Variants in PALLD observed in about 807,000 individuals in gnomAD.
PALLD encodes palladin, cytoskeletal associated protein.
In PALLD, 61 loss-of-function variants were observed where a neutral mutation model predicts 123.5. That is an observed-to-expected ratio of 0.49 (90% CI 0.40 to 0.61). The LOEUF is 0.61. PALLD is among the 20% of genes least tolerant of loss of function. The pLI is 0.00. For missense variants in PALLD, 1,273 were observed against 1,377.0 expected (o/e 0.92, Z 1.20); for synonymous variants, 465 against 496.4 (o/e 0.94, Z 0.84).
At chr4:168,660,222 G>A (rs1046289541) in intron 2 of PALLD, among the ~76,000 whole-genome samples, 1 of 152,098 alleles carries the variant, frequency 6.6e-6, no homozygotes, top group Non-Finnish European at 1.5e-5. Flanking sequence ...CCCAAGAATG[G>A]AAGTGACTGG....
intron 2 of PALLD, among the ~76,000 whole-genome samples, chr4:168,578,794 T>C (rs956188834): frequency 3.3e-5 from 5 of 151,662 alleles, no homozygotes; most frequent in Admixed American, 3.3e-4. Flanking sequence ...AATGGATAGA[T>C]AGATAGTCCC....
At chr4:168,728,238 T>A (rs1470822462) in intron 10 of PALLD, among the ~76,000 whole-genome samples, 2 of 152,254 alleles carry the variant, frequency 1.3e-5, no homozygotes, top group Non-Finnish European at 2.9e-5. Context: ...TCTAATTCTG[T>A]GAAGAATGAC....
At chr4:168,543,580 ATGAAAATGAGCTAAATGTT>A (rs1765856320) in intron 2 of PALLD, among the ~76,000 whole-genome samples, 2 of 152,150 alleles carry the variant, frequency 1.3e-5, no homozygotes, top group South Asian at 4.1e-4. Context: ...AATGAAGTAA[ATGAAAATGAGCTAAATGTT>A]TGAAAATGAG....
chr4:168,811,770 T>TCACACACACACA (rs1402735922), intron 10 of PALLD, among the ~76,000 whole-genome samples: 1 of 101,838 alleles, frequency 9.8e-6, no homozygotes, highest in African/African-American at 3.3e-5. Context: ...TCTCTCTCTC[T>TCACACACACACA]CTCTCTCACA....
chr4:168,659,221 G>T (rs1020891646), intron 2 of PALLD, among the ~76,000 whole-genome samples: 1 of 152,224 alleles, frequency 6.6e-6, no homozygotes, highest in Non-Finnish European at 1.5e-5. Context: ...CGTTTTGGTG[G>T]TTCTCCAGTT....
At chr4:168,815,188 G>A (rs1381873275) in intron 10 of PALLD, among the ~76,000 whole-genome samples, 1 of 152,166 alleles carries the variant, frequency 6.6e-6, no homozygotes, top group Non-Finnish European at 1.5e-5. Flanking sequence ...ATTTCTCATG[G>A]ACATATGCTT....
intron 10 of PALLD, among the ~76,000 whole-genome samples, chr4:168,848,478 T>C (rs1560788892): frequency 6.6e-6 from 1 of 151,202 alleles, no homozygotes; most frequent in Non-Finnish European, 1.5e-5. Context: ...TGTTCTGTGT[T>C]TTTTCTCCTA....
chr4:168,871,455 C>T (rs1751056883), intron 10 of PALLD, among the ~76,000 whole-genome samples: 1 of 151,374 alleles, frequency 6.6e-6, no homozygotes. Context: ...AATGAGATCA[C>T]TGATTTTGCT....
chr4:168,786,357 A>G (rs1293612805), intron 10 of PALLD, among the ~76,000 whole-genome samples: 1 of 152,176 alleles, frequency 6.6e-6, no homozygotes, highest in Non-Finnish European at 1.5e-5. Flanking sequence ...CTATTTTCAT[A>G]GAAGTATACT....
intron 6 of PALLD, chr4:168,686,697 T>C (rs1348531770): frequency 2.6e-5 from 4 of 152,300 alleles, no homozygotes; most frequent in African/African-American, 9.6e-5. Context: ...TTAGTATATA[T>C]GAGCTGCCAA....
intron 2 of PALLD, among the ~76,000 whole-genome samples, chr4:168,557,303 C>A (rs192275682): frequency 1.6e-4 from 24 of 152,286 alleles, no homozygotes; most frequent in Admixed American, 1.4e-3. Context: ...CTCAGCCTCC[C>A]AAAGTGCTGG....
At chr4:168,743,135 C>T (rs927523529) in intron 10 of PALLD, among the ~76,000 whole-genome samples, 6 of 152,200 alleles carry the variant, frequency 3.9e-5, no homozygotes, top group African/African-American at 1.4e-4. Context: ...TCAGGGTTCT[C>T]TGACACCAGA....
At chr4:168,673,808 G>T (rs184021853) in intron 3 of PALLD, among the ~76,000 whole-genome samples, 1 of 152,254 alleles carries the variant, frequency 6.6e-6, no homozygotes, top group African/African-American at 2.4e-5. Context: ...GAGGACAACG[G>T]TGCCAATCTC....
chr4:168,502,223 T>C (rs1761483986), intron 1 of PALLD, among the ~76,000 whole-genome samples: 1 of 152,196 alleles, frequency 6.6e-6, no homozygotes, highest in Non-Finnish European at 1.5e-5. Flanking sequence ...GACTGGAAAT[T>C]TAACCCTGAG....
intron 10 of PALLD, among the ~76,000 whole-genome samples, chr4:168,752,972 C>T (rs1445204976): frequency 6.6e-6 from 1 of 152,116 alleles, no homozygotes; most frequent in African/African-American, 2.4e-5. Flanking sequence ...GCAGCCTAGA[C>T]TTGTGACCAA....
chr4:168,715,356 C>T (rs937201368), intron 10 of PALLD, among the ~76,000 whole-genome samples: 3 of 152,194 alleles, frequency 2.0e-5, no homozygotes, highest in Non-Finnish European at 4.4e-5. Flanking sequence ...CAACGCCTTA[C>T]CACCCGCTGT....
intron 1 of PALLD, 111 bp downstream of exon 1, chr4:168,497,305 A>C (rs954345844): frequency 2.0e-5 from 3 of 152,198 alleles, no homozygotes; most frequent in Non-Finnish European, 4.4e-5. Flanking sequence ...ACTATTTACA[A>C]GATACCTTAA....
chr4:168,826,705 C>T (rs973230082), intron 10 of PALLD, among the ~76,000 whole-genome samples: 1 of 152,118 alleles, frequency 6.6e-6, no homozygotes, highest in African/African-American at 2.4e-5. Context: ...AAACCAGCTC[C>T]CCACCTGCTA....
At chr4:168,920,182 A>T (rs557143384) in intron 17 of PALLD, among the ~76,000 whole-genome samples, 1 of 152,206 alleles carries the variant, frequency 6.6e-6, no homozygotes, top group Admixed American at 6.5e-5. Context: ...GGCAGTGTAC[A>T]TGGAGAGCTG....
Sources: gnomAD v4.1 joint callset for allele counts (sites outside exome capture counted in the v4.1 genomes callset) on GRCh38, gnomAD v4.1.1 for gene constraint, MANE v1.5 for transcripts, NCBI Gene and HGNC (gene_info 2026-07-23, HGNC 2026-07-21) for gene names.